Variants in SPATA7 observed in about 807,000 individuals in gnomAD.
SPATA7 encodes spermatogenesis associated 7.
Under a neutral mutation model 51.8 loss-of-function variants are expected in SPATA7, and 43 were observed. The ratio of observed to expected loss-of-function variants is 0.83; its 90% confidence interval spans 0.65 to 1.07. The LOEUF (loss-of-function observed/expected upper bound fraction) is 1.07, where lower values mean the gene tolerates loss of function less well. Ranked by LOEUF, SPATA7 falls within the 50% of genes least tolerant of loss-of-function variation. The pLI is 0.00. For missense variants in SPATA7, 683 were observed against 701.3 expected (o/e 0.97, Z 0.30); for synonymous variants, 230 against 252.8 (o/e 0.91, Z 0.86).
intron 8 of SPATA7, 36 bp from the exon 9 acceptor site, chr14:88,431,136 C>A: frequency 1.9e-6 from 3 of 1,593,426 alleles, no homozygotes; most frequent in Non-Finnish European, 2.6e-6. Flanking sequence ...ATGCCAACCA[C>A]TGTTTTGCTC....
At chr14:88,398,337 G>GAC (rs1268482552) in intron 4 of SPATA7, among the ~76,000 whole-genome samples, 44 of 151,976 alleles carry the variant, frequency 2.9e-4, no homozygotes, top group South Asian at 1.5e-3. Flanking sequence ...TAGGGACAGG[G>GAC]ATGAAATTGG....
chr14:88,469,666 T>A lies in SPATA7; in HGVS notation c.255-181T>A, dbSNP rs1005045488. 1 of 1,614,168 alleles carries A rather than the reference T, an allele frequency of 6.2e-7. No individual in the cohort carries two copies. Among genetic ancestry groups the A allele is most frequent in the South Asian group, 1.1e-5 (1 of 91,082 alleles). Reference sequence around the variant, plus strand: ...CCGGGTCGTGATCTTAAACCTTCCATAGGTGACAGTGTTGTGCCTGGAACC... The same window carrying A: ...CCGGGTCGTGATCTTAAACCTTCCAAAGGTGACAGTGTTGTGCCTGGAACC... On this transcript the variant is annotated intron_variant, in intron 4 of 4. Coordinates refer to the SPATA7 transcript ENST00000556406. The surrounding 1 kb of genome is among the most constrained non-coding windows in gnomAD (Gnocchi z 4.3).
At chr14:88,403,616 T>C (rs2139913918) in intron 4 of SPATA7, among the ~76,000 whole-genome samples, 1 of 152,308 alleles carries the variant, frequency 6.6e-6, no homozygotes, top group African/African-American at 2.4e-5. Flanking sequence ...GGGTTCATTT[T>C]AGCTTCCACA....
chr14:88,460,078 G>A (rs145659144), downstream of SPATA7, among the ~76,000 whole-genome samples: 23 of 152,180 alleles, frequency 1.5e-4, no homozygotes, highest in East Asian at 2.1e-3. Flanking sequence ...GCTGAGATTC[G>A]CCGTTAGTCT....
intron 10 of SPATA7, among the ~76,000 whole-genome samples, chr14:88,433,904 G>T (rs886484336): frequency 2.0e-5 from 3 of 151,910 alleles, no homozygotes; most frequent in Non-Finnish European, 2.9e-5. Flanking sequence ...TTCATTATTG[G>T]TATAAAAAGG....
Position 88,426,428 on chromosome 14 carries a change from C to T in SPATA7, c.569C>T (p.Pro190Leu). The change falls in exon 6 of 12, where the codon CCC becomes CTC. Residue 190 changes from proline (P) to leucine (L), a missense_variant. Pro to Leu is a moderately conservative substitution (Grantham distance 98). Transcript: ENST00000393545. ...PSSVDYAASG[P>L]RKLSSGALYG... ...AGTGTGGATTATGCAGCCTCCGGGC[C>T]CCGGAAACTGAGCTCTGGAGCCCTG... 1.2e-6 allele frequency: 2 copies of T among 1,614,150 alleles called. No individual in the cohort carries two copies. Among genetic ancestry groups the T allele is most frequent in the Non-Finnish European group, 1.7e-6 (2 of 1,180,032 alleles).
intron 4 of SPATA7, among the ~76,000 whole-genome samples, chr14:88,399,223 T>A (rs73321835): frequency 6.6e-6 from 1 of 152,054 alleles, no homozygotes; most frequent in African/African-American, 2.4e-5. Flanking sequence ...GTTGAAGAGA[T>A]AGAAGGTAGG....
chr14:88,463,780 A>ATTT lies in SPATA7; in HGVS notation c.255-6067_255-6066insTTT, dbSNP rs1566799334. Reference sequence around the variant, plus strand: ...CCAAGGACTTCAAATGTTTTCTAAAACTCTCTCTACCCAAGTAGACATGCA... The same window carrying ATTT: ...CCAAGGACTTCAAATGTTTTCTAAAATTTCTCTCTCTACCCAAGTAGACATGCA... On this transcript the variant is annotated intron_variant, in intron 4 of 4. Coordinates refer to the SPATA7 transcript ENST00000556406. 2.6e-5 allele frequency among the ~76,000 whole-genome samples: 4 copies of ATTT among 151,662 alleles called. No homozygotes were observed. In the East Asian group the frequency reaches 7.7e-4, roughly 29 times the overall value.
Position 88,426,682 on chromosome 14 carries a change from G to A in SPATA7, c.823G>A (p.Ala275Thr), listed in dbSNP as rs2076804794. Residue 275 changes from alanine to threonine, a missense_variant, in exon 6 of 12, where the codon GCT (alanine) becomes ACT (threonine). Transcript: ENST00000393545. Reference sequence around the variant, plus strand: ...GGATTTTACAGATCAACGGATAGAAGCTGAAACCCAGACTGAATTAAGGTA... The same window carrying A: ...GGATTTTACAGATCAACGGATAGAAACTGAAACCCAGACTGAATTAAGGTA... ...KKDFTDQRIEAETQTELSFKS... is the reference protein window; with the variant it reads ...KKDFTDQRIETETQTELSFKS... The A allele has an allele frequency of 6.2e-7, 1 of 1,612,886 alleles. No homozygotes were observed.
intron 3 of SPATA7, among the ~76,000 whole-genome samples, chr14:88,449,424 T>C (rs1006974866): frequency 6.6e-5 from 10 of 152,226 alleles, no homozygotes; most frequent in African/African-American, 2.2e-4. Flanking sequence ...TTTATTCTAC[T>C]GTGGTCTGTG....
chr14:88,441,075 A>G (rs149178589), downstream of SPATA7, among the ~76,000 whole-genome samples: 3,947 of 152,156 alleles, frequency 0.026, 179 homozygotes, highest in African/African-American at 0.09. Context: ...AGAACATACA[A>G]TGTTTGGTTT....
At chr14:88,413,257 C>T (rs2139948806) in intron 4 of SPATA7, among the ~76,000 whole-genome samples, 1 of 151,774 alleles carries the variant, frequency 6.6e-6, no homozygotes, top group African/African-American at 2.4e-5. Flanking sequence ...TTTAGATATC[C>T]TTCACCTCCT....
At chr14:88,467,377 A>T (rs1161251194) in intron 4 of SPATA7, 1 of 152,250 alleles carries the variant, frequency 6.6e-6, no homozygotes, top group Non-Finnish European at 1.5e-5. Flanking sequence ...TGAAAAAATA[A>T]TGCTTATTCT....
intron 4 of SPATA7, among the ~76,000 whole-genome samples, chr14:88,413,103 T>C (rs922378032): frequency 2.0e-5 from 3 of 152,186 alleles, no homozygotes; most frequent in African/African-American, 7.2e-5. Flanking sequence ...GTGAGTAGTT[T>C]GATAGGAATA....
intron 4 of SPATA7, chr14:88,468,075 AG>A (rs2077392699): frequency 2.1e-6 from 3 of 1,429,648 alleles, no homozygotes; most frequent in Non-Finnish European, 2.9e-6. Context: ...GAGTTAGGCA[AG>A]CGCTTTTTTT....
intron 4 of SPATA7, chr14:88,468,202 G>C (rs781681854): frequency 6.2e-7 from 1 of 1,612,340 alleles, no homozygotes; most frequent in South Asian, 1.1e-5. Context: ...TACTGGCAGA[G>C]AGTCTGCACC....
intron 3 of SPATA7, among the ~76,000 whole-genome samples, chr14:88,452,824 A>G (rs564138419): frequency 3.4e-4 from 52 of 152,196 alleles, no homozygotes; most frequent in African/African-American, 1.2e-3. Context: ...GGCATTTTCT[A>G]TGTTATATTT....
chr14:88,457,230 A>C (rs2077289859), downstream of SPATA7, among the ~76,000 whole-genome samples: 1 of 152,072 alleles, frequency 6.6e-6, no homozygotes, highest in Non-Finnish European at 1.5e-5. Flanking sequence ...TTCCATATGA[A>C]CTTTAAAGTA....
At chr14:88,457,134 A>G (rs2077289145), downstream of SPATA7, among the ~76,000 whole-genome samples, 1 of 152,140 alleles carries the variant, frequency 6.6e-6, no homozygotes, top group Non-Finnish European at 1.5e-5. Flanking sequence ...ATAGCCTTGT[A>G]GTATAATTTG....
Sources: allele counts gnomAD v4.1 joint callset (sites outside exome capture counted in the v4.1 genomes callset), GRCh38; gene constraint gnomAD v4.1.1; non-coding constraint Gnocchi (gnomAD v3.1); transcripts MANE v1.5; gene names NCBI Gene and HGNC (gene_info 2026-07-23, HGNC 2026-07-21).